EPHA6: variants seen among roughly 807,000 people sequenced by gnomAD.
EPHA6 encodes the protein EPH receptor A6, also known as ephrin type-A receptor 6.
Under a neutral mutation model 112.0 loss-of-function variants are expected in EPHA6, and 50 were observed. That is an observed-to-expected ratio of 0.45 (90% CI 0.36 to 0.56). The LOEUF (loss-of-function observed/expected upper bound fraction) is 0.56. EPHA6 is among the 20% of genes least tolerant of loss of function. The pLI is 0.00. For missense variants in EPHA6, 1,280 were observed against 1,417.4 expected, an observed-to-expected ratio of 0.90 and a Z score of 1.56; for synonymous variants, 529 against 490.7, an observed-to-expected ratio of 1.08 and a Z score of -1.03.
At chr3:97,344,814 CT>C in intron 5 of EPHA6, among the ~76,000 whole-genome samples, 1 of 151,986 alleles carries the variant, frequency 6.6e-6, no homozygotes, top group East Asian at 1.9e-4. Context: ...TTATACAGGC[CT>C]TTTTTATTAG....
At chr3:97,148,144 A>G (rs1287396829) in intron 3 of EPHA6, among the ~76,000 whole-genome samples, 2 of 152,122 alleles carry the variant, frequency 1.3e-5, no homozygotes, top group African/African-American at 4.8e-5. Context: ...ACCCAGAGAC[A>G]CTTGTAATGA....
intron 5 of EPHA6, among the ~76,000 whole-genome samples, chr3:97,263,582 AATTAGTTTCAATAAAGAAT>A (rs1315267938): frequency 6.6e-6 from 1 of 151,766 alleles, no homozygotes; most frequent in African/African-American, 2.4e-5. Context: ...TGTACTTAGG[AATTAGTTTCAATAAAGAAT>A]CTAATAATTT....
At chr3:97,555,714 A>G (rs1029929051) in intron 11 of EPHA6, among the ~76,000 whole-genome samples, 1 of 152,108 alleles carries the variant, frequency 6.6e-6, no homozygotes, top group Non-Finnish European at 1.5e-5. Context: ...TTTTGGCTGC[A>G]TAAGTGTCTT....
At chr3:97,131,862 G>A (rs2075636032) in intron 3 of EPHA6, among the ~76,000 whole-genome samples, 2 of 152,120 alleles carry the variant, frequency 1.3e-5, no homozygotes, top group African/African-American at 4.8e-5. Flanking sequence ...TAGCAAGTCA[G>A]CCATAGCAGG....
chr3:96,901,191 A>C (rs1011088302), intron 2 of EPHA6, among the ~76,000 whole-genome samples: 1 of 152,208 alleles, frequency 6.6e-6, no homozygotes, highest in African/African-American at 2.4e-5. Flanking sequence ...TTATTAACTT[A>C]TGAGACTCTC....
chr3:96,970,801 C>A (rs769836421), intron 2 of EPHA6, among the ~76,000 whole-genome samples: 3 of 152,024 alleles, frequency 2.0e-5, no homozygotes, highest in Non-Finnish European at 4.4e-5. Context: ...GGTGTTAATT[C>A]TTCTGTTTTC....
At chr3:97,567,502 G>A (rs1262028121) in intron 11 of EPHA6, among the ~76,000 whole-genome samples, 1 of 152,162 alleles carries the variant, frequency 6.6e-6, no homozygotes, top group African/African-American at 2.4e-5. Context: ...GGATTTAATT[G>A]TGTGCCCCCA....
intron 16 of EPHA6, among the ~76,000 whole-genome samples, chr3:97,737,489 A>G (rs2035313088): frequency 6.6e-6 from 1 of 152,102 alleles, no homozygotes; most frequent in East Asian, 1.9e-4. Context: ...TAGGAAAACC[A>G]ATGCATCTTA....
At chr3:97,690,238 C>T (rs2032563522) in intron 14 of EPHA6, among the ~76,000 whole-genome samples, 1 of 152,132 alleles carries the variant, frequency 6.6e-6, no homozygotes, top group Non-Finnish European at 1.5e-5. Flanking sequence ...TCCAAAGTGG[C>T]TGCACTATTT....
Position 97,479,319 on chromosome 3 carries a change from A to T in EPHA6, c.2029A>T (p.Met677Leu). The T allele has an allele frequency of 6.2e-7, 1 of 1,603,744 alleles. No individual in the cohort carries two copies. Among genetic ancestry groups the T allele is most frequent in the Non-Finnish European group, 8.5e-7 (1 of 1,176,698 alleles). The stretch of plus-strand genomic sequence containing the variant: ...ATGTCAGTGGTACATAAAAGCCAAG[A>T]TGAAGTCAGAAGAGAAGAGAAGAAA... ...GRCQWYIKAK[M>L]KSEEKRRNHL... The change falls in exon 9 of 18, where the codon ATG (methionine) becomes TTG (leucine). Residue 677 changes from methionine to leucine, a missense_variant. Physicochemically the swap from Met to Leu is conservative, Grantham distance 15. Coordinates refer to ENST00000389672, the MANE Select transcript of EPHA6 (RefSeq NM_001080448.3).
At chr3:97,207,159 T>C (rs995070296) in intron 3 of EPHA6, among the ~76,000 whole-genome samples, 2 of 152,140 alleles carry the variant, frequency 1.3e-5, no homozygotes, top group African/African-American at 4.8e-5. Flanking sequence ...AGGTGTCTTT[T>C]GCAAGTGCTC....
intron 5 of EPHA6, among the ~76,000 whole-genome samples, chr3:97,387,979 T>G (rs896451516): frequency 1.3e-5 from 2 of 152,046 alleles, no homozygotes; most frequent in Non-Finnish European, 2.9e-5. Context: ...GAGGGGGAAG[T>G]GCTATACACT....
chr3:97,193,481 T>A (rs975608415), intron 3 of EPHA6, among the ~76,000 whole-genome samples: 1 of 152,120 alleles, frequency 6.6e-6, no homozygotes, highest in African/African-American at 2.4e-5. Flanking sequence ...TTTTTGTATG[T>A]TGACTATGTA....
intron 3 of EPHA6, among the ~76,000 whole-genome samples, chr3:97,109,547 G>A (rs1441979104): frequency 6.6e-6 from 1 of 152,136 alleles, no homozygotes; most frequent in African/African-American, 2.4e-5. Flanking sequence ...CTGTTGCTTG[G>A]AGTGAAAAGT....
chr3:97,308,450 T>C (rs1276601216), intron 5 of EPHA6, among the ~76,000 whole-genome samples: 1 of 151,788 alleles, frequency 6.6e-6, no homozygotes, highest in Non-Finnish European at 1.5e-5. Flanking sequence ...CTTTACAAAT[T>C]AGTACTACTG....
rs1214540454 is a variant in EPHA6, at chr3:97,179,761, C to CTCTT, written c.1115-46503_1115-46502insTCTT. ...TCTCTCTCTCTCTCTCTCTCTCTCTCCTGAACCACTTAAAGCTGGAGGTGG... is the reference window on the plus strand; with the variant it reads ...TCTCTCTCTCTCTCTCTCTCTCTCTCTCTTCTGAACCACTTAAAGCTGGAGGTGG... On this transcript the variant is annotated intron_variant, in intron 3 of 17. Transcript: ENST00000389672. Among the ~76,000 whole-genome samples, 1,009 of 142,730 alleles carry CTCTT rather than the reference C, an allele frequency of 7.1e-3. 7 individuals carry two copies. Among genetic ancestry groups the CTCTT allele is most frequent in the Middle Eastern group, 0.05 (13 of 260 alleles). The allele number at this position is 142,730 out of a possible 152,430, so 93.6% of individuals were successfully genotyped here. A position where few individuals can be genotyped will look rare whatever the true frequency, so the allele number is the denominator to read the frequency against.
intron 2 of EPHA6, among the ~76,000 whole-genome samples, chr3:96,895,502 T>C (rs2107553900): frequency 6.6e-6 from 1 of 152,242 alleles, no homozygotes; most frequent in South Asian, 2.1e-4. Flanking sequence ...TGTACAGAGT[T>C]TATAAAGTCT....
At chr3:97,548,822 A>G (rs2092992559) in intron 11 of EPHA6, among the ~76,000 whole-genome samples, 1 of 152,242 alleles carries the variant, frequency 6.6e-6, no homozygotes, top group African/African-American at 2.4e-5. Context: ...AAACAATCAC[A>G]TACAGGTTTT....
chr3:96,820,594 G>T (rs1164779016), intron 1 of EPHA6, among the ~76,000 whole-genome samples: 2 of 152,050 alleles, frequency 1.3e-5, no homozygotes, highest in African/African-American at 4.8e-5. Context: ...ATTGATAATT[G>T]CAAGGGATAA....
Sources: allele counts gnomAD v4.1 joint callset (sites outside exome capture counted in the v4.1 genomes callset), GRCh38; gene constraint gnomAD v4.1.1; transcripts MANE v1.5; gene names NCBI Gene and HGNC (gene_info 2026-07-23, HGNC 2026-07-21).